The following NHSL1 variants were observed in gnomAD, a reference collection of about 807,000 sequenced individuals.
NHSL1 encodes the protein NHS-like protein 1.
NHSL1 carries 48 observed loss-of-function variants against 95.0 expected under a neutral mutation model. The ratio of observed to expected loss-of-function variants is 0.51; its 90% CI spans 0.40 to 0.64. The LOEUF is 0.64. Ranked by LOEUF, NHSL1 falls within the 30% of genes least tolerant of loss-of-function variation. The pLI is 0.00. For missense variants in NHSL1, 1,971 were observed against 2,077.7 expected, an observed-to-expected ratio of 0.95 and a Z score of 1.00; for synonymous variants, 783 against 833.9, an observed-to-expected ratio of 0.94 and a Z score of 1.05.
chr6:138,562,244 C>A (rs1783438181), intron 1 of NHSL1, among the ~76,000 whole-genome samples: 2 of 152,020 alleles, frequency 1.3e-5, no homozygotes, highest in South Asian at 2.1e-4. Context: ...TAAAGACTAC[C>A]CATAGTTCAC....
intron 1 of NHSL1, among the ~76,000 whole-genome samples, chr6:138,641,202 C>G (rs1239372412): frequency 6.6e-6 from 1 of 152,152 alleles, no homozygotes; most frequent in Non-Finnish European, 1.5e-5. Context: ...CAATGGGATC[C>G]CAGCTCAATG....
chr6:138,641,246 A>G (rs543566543), intron 1 of NHSL1, among the ~76,000 whole-genome samples: 1 of 152,328 alleles, frequency 6.6e-6, no homozygotes, highest in East Asian at 1.9e-4. Flanking sequence ...TGCTGTATAC[A>G]TTCTCTAATT....
Position 138,423,114 on chromosome 6 carries a change from A to AT in NHSL1, c.*966_*967insA, listed in dbSNP as rs1775019540. The AT allele has an allele frequency of 6.6e-6, 1 of 151,168 alleles. No individual in the cohort carries two copies. Among genetic ancestry groups the AT allele is most frequent in the Non-Finnish European group, 1.5e-5 (1 of 67,910 alleles). 9.4% of individuals were successfully genotyped at this position (151,168 alleles called of 1,614,324 possible). A position where few individuals can be genotyped will look rare whatever the true frequency, so the allele number is the denominator to read the frequency against. On this transcript the variant is annotated 3_prime_UTR_variant, in exon 8 of 8. Coordinates refer to ENST00000343505, the MANE Select transcript of NHSL1 (RefSeq NM_001144060.2). Reference sequence around the variant, plus strand: ...CTGGTTAAAAAAAAAAAAAAAAAAAAACTGTTGTAAAAGGAAAAGCTCCAC... The same window carrying AT: ...CTGGTTAAAAAAAAAAAAAAAAAAAATACTGTTGTAAAAGGAAAAGCTCCAC...
intron 1 of NHSL1, among the ~76,000 whole-genome samples, chr6:138,658,285 T>A (rs1785183695): frequency 6.6e-6 from 1 of 152,206 alleles, no homozygotes; most frequent in Admixed American, 6.5e-5. Flanking sequence ...ATATGTTAGA[T>A]CCCCCAGAAT....
At chr6:138,520,619 C>T (rs573440590) in intron 1 of NHSL1, among the ~76,000 whole-genome samples, 91 of 152,040 alleles carry the variant, frequency 6.0e-4, no homozygotes, top group Admixed American at 3.9e-3. Context: ...TGTATATAAC[C>T]TTGACCAAGT....
chr6:138,498,760 AG>A (rs1362225128), intron 1 of NHSL1, among the ~76,000 whole-genome samples: 1 of 152,208 alleles, frequency 6.6e-6, no homozygotes, highest in African/African-American at 2.4e-5. Context: ...AAAGAGTGCC[AG>A]GGAGTTTCAG....
At chr6:138,597,269 C>T (rs1266422142) in intron 1 of NHSL1, among the ~76,000 whole-genome samples, 1 of 152,076 alleles carries the variant, frequency 6.6e-6, no homozygotes, top group Non-Finnish European at 1.5e-5. Flanking sequence ...GGTTAGTTTC[C>T]GAAGTTTTGA....
chr6:138,649,769 G>A (rs894109405), intron 1 of NHSL1, among the ~76,000 whole-genome samples: 9 of 152,196 alleles, frequency 5.9e-5, no homozygotes, highest in African/African-American at 1.2e-4. Context: ...GATGGTGGCC[G>A]TGTGCCAGGG....
intron 1 of NHSL1, chr6:138,545,514 C>T (rs1782755486): frequency 1.2e-6 from 1 of 848,956 alleles, no homozygotes; most frequent in African/African-American, 1.8e-5. Flanking sequence ...AAAACTCCCT[C>T]AAACTTTGAT....
At chr6:138,521,486 C>G (rs564208518) in intron 1 of NHSL1, among the ~76,000 whole-genome samples, 14 of 151,814 alleles carry the variant, frequency 9.2e-5, no homozygotes, top group Admixed American at 5.9e-4. Flanking sequence ...AAACAGCTAC[C>G]CCCTGCCTCA....
At chr6:138,492,691 T>G (rs1458213641) in intron 2 of NHSL1, among the ~76,000 whole-genome samples, 1 of 152,324 alleles carries the variant, frequency 6.6e-6, no homozygotes, top group East Asian at 1.9e-4. Flanking sequence ...CTGTGTCGTT[T>G]CCCTTCACAC....
Position 138,458,854 on chromosome 6 carries a change from C to A in NHSL1, c.340-11661G>T, listed in dbSNP as rs1486594740. ...AAAAAAAAAAAAACAAAAAAAAAAA[C>A]CCAGAAAAAATCTACTCACGTTTTT... On this transcript the variant is annotated intron_variant, in intron 3 of 7. Coordinates refer to ENST00000343505, the MANE Select transcript of NHSL1 (RefSeq NM_001144060.2). Among the ~76,000 whole-genome samples, 11 of 147,206 alleles carry A rather than the reference C, an allele frequency of 7.5e-5. No individual in the cohort carries two copies. The South Asian group carries it at 1.1e-3, about 14-fold the overall frequency.
chr6:138,430,578 G>A lies in NHSL1; in HGVS notation c.3767C>T (p.Thr1256Met), dbSNP rs995390765. 3.0e-5 allele frequency: 47 copies of A among 1,550,472 alleles called. No homozygotes were observed. The highest frequency in any genetic ancestry group is 2.0e-4 in the East Asian group (8 of 40,872). Residue 1256 changes from threonine (T) to methionine (M), a missense_variant, in exon 6 of 8, where the codon ACG becomes ATG. Thr to Met is a moderately conservative substitution (Grantham distance 81). This residue lies in a region of NHSL1 where 1,602 missense variants were observed against 1,654.5 expected (regional missense o/e 0.97). Transcript: ENST00000343505. The surrounding 1 kb of genome is among the most constrained non-coding windows in gnomAD (Gnocchi z 4.7). The part of the protein sequence containing the change: ...SSAAQAGSHA[T>M]HPGTSVLEGG... Reference sequence around the variant, plus strand: ...CTCAAGAACCGAGGTGCCAGGGTGCGTGGCATGAGAGCCAGCTTGGGCTGC... The same window carrying A: ...CTCAAGAACCGAGGTGCCAGGGTGCATGGCATGAGAGCCAGCTTGGGCTGC...
intron 7 of NHSL1, among the ~76,000 whole-genome samples, chr6:138,426,077 G>A (rs1159024469): frequency 1.3e-5 from 2 of 152,218 alleles, no homozygotes; most frequent in Non-Finnish European, 2.9e-5. Flanking sequence ...GAGCCAAGTG[G>A]CCCCTTGCTG....
intron 1 of NHSL1, among the ~76,000 whole-genome samples, chr6:138,608,443 T>C (rs1784463640): frequency 6.6e-6 from 1 of 152,138 alleles, no homozygotes; most frequent in Non-Finnish European, 1.5e-5. Context: ...TTGAAACAGA[T>C]AAAAAATGGA....
At chr6:138,563,017 A>T (rs191477614) in intron 1 of NHSL1, among the ~76,000 whole-genome samples, 2 of 152,204 alleles carry the variant, frequency 1.3e-5, no homozygotes, top group South Asian at 4.1e-4. Flanking sequence ...AAAAGTTATT[A>T]AGTCCTTGAT....
intron 1 of NHSL1, among the ~76,000 whole-genome samples, chr6:138,599,626 C>G (rs1161893456): frequency 6.6e-6 from 1 of 152,118 alleles, no homozygotes; most frequent in Non-Finnish European, 1.5e-5. Flanking sequence ...CCCAGATACA[C>G]AAGAAACTTC....
intron 1 of NHSL1, chr6:138,571,519 C>A: frequency 1.7e-6 from 1 of 602,278 alleles, no homozygotes; most frequent in Non-Finnish European, 2.9e-6. Context: ...ATACAAGATA[C>A]AAGCTCAAGC....
intron 5 of NHSL1, among the ~76,000 whole-genome samples, chr6:138,436,577 A>C (rs1426894374): frequency 1.3e-5 from 2 of 152,252 alleles, no homozygotes; most frequent in Non-Finnish European, 2.9e-5. Flanking sequence ...AAAGCTGCAG[A>C]AATTTATCTA....
Sources: gnomAD v4.1 joint callset for allele counts (sites outside exome capture counted in the v4.1 genomes callset) on GRCh38, gnomAD v4.1.1 for gene constraint, gnomAD v4.1.1 regional missense constraint, Gnocchi (gnomAD v3.1) non-coding constraint, MANE v1.5 for transcripts, NCBI Gene and HGNC (gene_info 2026-07-23, HGNC 2026-07-21) for gene names.